The following SLC51B variants were observed in gnomAD, a reference collection of about 807,000 sequenced individuals.
SLC51B encodes organic solute transporter subunit beta.
Under a neutral mutation model 8.0 loss-of-function variants are expected in SLC51B, and 6 were observed. The observed-to-expected ratio is 0.75, with a 90% CI of 0.41 to 1.48. SLC51B has a LOEUF of 1.48. SLC51B is among the 40% of genes most tolerant of loss of function. SLC51B has a pLI of 0.01. For missense variants in SLC51B, 150 were observed against 149.7 expected, an observed-to-expected ratio of 1.00 and a Z score of -0.01; for synonymous variants, 61 against 54.8, an observed-to-expected ratio of 1.11 and a Z score of -0.50.
intron 1 of SLC51B, among the ~76,000 whole-genome samples, chr15:65,048,063 A>G (rs1284985504): frequency 6.6e-6 from 1 of 152,022 alleles, no homozygotes; most frequent in Non-Finnish European, 1.5e-5. Context: ...CTGTAGTCCC[A>G]CTACTTGGGA....
chr15:65,048,846 T>C (rs2086609252), intron 1 of SLC51B, among the ~76,000 whole-genome samples: 1 of 152,014 alleles, frequency 6.6e-6, no homozygotes, highest in Non-Finnish European at 1.5e-5. Context: ...CCATCTCTAC[T>C]AAAAATACAA....
chr15:65,052,780 G>A (rs888326621), intron 3 of SLC51B, among the ~76,000 whole-genome samples, 186 bp from the exon 4 acceptor site: 4 of 152,136 alleles, frequency 2.6e-5, no homozygotes, highest in Admixed American at 1.3e-4. Context: ...GATTCCTTGA[G>A]ATGACACACA....
chr15:65,050,311 C>T (rs931885444), intron 2 of SLC51B, among the ~76,000 whole-genome samples: 15 of 152,300 alleles, frequency 9.8e-5, no homozygotes, highest in African/African-American at 2.9e-4. Context: ...ATTTATGCAG[C>T]CCTCCAATCA....
chr15:65,046,380 G>T (rs576382522), intron 1 of SLC51B, among the ~76,000 whole-genome samples: 16 of 152,254 alleles, frequency 1.1e-4, no homozygotes, highest in African/African-American at 3.9e-4. Flanking sequence ...TGAGGCAGGA[G>T]AATCACTTGA....
intron 1 of SLC51B, among the ~76,000 whole-genome samples, chr15:65,046,954 T>C (rs1284664382): frequency 6.6e-6 from 1 of 152,056 alleles, no homozygotes; most frequent in Admixed American, 6.6e-5. Context: ...CTGTGGACAA[T>C]AGCTTACCTG....
intron 1 of SLC51B, among the ~76,000 whole-genome samples, chr15:65,046,265 C>T (rs754774800): frequency 2.0e-5 from 3 of 152,236 alleles, no homozygotes; most frequent in Non-Finnish European, 4.4e-5. Context: ...GGTGCCACTA[C>T]ACTCCAGCCT....
chr15:65,053,047 C>T lies in SLC51B; in HGVS notation c.270C>T (p.Asn90=). The T allele has an allele frequency of 6.2e-7, 1 of 1,614,070 alleles. No homozygotes were observed. The highest frequency in any genetic ancestry group is 8.5e-7 in the Non-Finnish European group (1 of 1,180,014). ...AGGCCAAGGATCACAACAGCCTAAA[C>T]AACCTAAGAGAAACTTTGCTCTCAG... ...LDEAKDHNSL[N]NLRETLLSEK... Residue 90 remains asparagine, a synonymous_variant, in exon 4 of 4, where the codon AAC becomes AAT. Coordinates refer to ENST00000334287, the MANE Select transcript of SLC51B (RefSeq NM_178859.4).
chr15:65,047,863 A>G (rs1431545382), intron 1 of SLC51B, among the ~76,000 whole-genome samples: 1 of 152,174 alleles, frequency 6.6e-6, no homozygotes, highest in Admixed American at 6.5e-5. Context: ...GTAAGTAGGC[A>G]GTGTGCATGT....
At chr15:65,050,833 CTTCTTTTTTTT>C (rs1473721294) in intron 2 of SLC51B, among the ~76,000 whole-genome samples, 7 of 88,600 alleles carry the variant, frequency 7.9e-5, no homozygotes, top group Non-Finnish European at 1.2e-4. Context: ...TCTTCTTCTT[CTTCTTTTTTTT>C]TTTTTTTTTG....
In SLC51B at chr15:65,051,734, C is replaced by A. The variant is rs932843232; in HGVS notation, c.188+129C>A. On this transcript the variant is annotated intron_variant, in intron 3 of 3. Coordinates refer to ENST00000334287, the MANE Select transcript of SLC51B (RefSeq NM_178859.4). ...CACCCTTTGGGACAGCAAAATTCAG[C>A]CTTCAGTGTCCTTCGAGAACCCCAA... 34 of 710,596 alleles carry A rather than the reference C, an allele frequency of 4.8e-5. No individual in the cohort carries two copies. In the African/African-American group the frequency reaches 5.2e-4, roughly 11 times the overall value. 44.0% of individuals were successfully genotyped at this position (710,596 alleles called of 1,614,324 possible). A position where few individuals can be genotyped will look rare whatever the true frequency, so the allele number is the denominator to read the frequency against.
intron 1 of SLC51B, among the ~76,000 whole-genome samples, chr15:65,046,427 G>A (rs958107076): frequency 6.6e-6 from 1 of 152,124 alleles, no homozygotes; most frequent in Non-Finnish European, 1.5e-5. Flanking sequence ...CTGAGATCAT[G>A]CCATTGCACT....
At chr15:65,048,737 G>A (rs1595899281) in intron 1 of SLC51B, among the ~76,000 whole-genome samples, 1 of 152,128 alleles carries the variant, frequency 6.6e-6, no homozygotes, top group Admixed American at 6.5e-5. Context: ...GGTCAGGCGC[G>A]GTGGCTCACT....
chr15:65,050,041 G>C lies in SLC51B; in HGVS notation c.37G>C (p.Gly13Arg), dbSNP rs745589743. The C allele has an allele frequency of 9.0e-6, 14 of 1,551,568 alleles. No homozygotes were observed. The East Asian group carries it at 3.4e-4, about 38-fold the overall frequency. The change falls in exon 2 of 4, where the codon GGT becomes CGT. Residue 13 changes from glycine to arginine, a missense_variant. Transcript: ENST00000334287. ...TGAGGGGGCTCCCGGAGACCCAGCCGGTACTGTGGTACCCCAGGAGCTGCT... is the reference window on the plus strand; with the variant it reads ...TGAGGGGGCTCCCGGAGACCCAGCCCGTACTGTGGTACCCCAGGAGCTGCT... ...HSEGAPGDPA[G>R]TVVPQELLEE...
intron 3 of SLC51B, 133 bp from the exon 4 acceptor site, chr15:65,052,833 T>C: frequency 2.8e-6 from 2 of 724,854 alleles, no homozygotes; most frequent in Non-Finnish European, 4.6e-6. Flanking sequence ...TATCCAACCA[T>C]TGCCGCTTCT....
At chr15:65,048,088 C>T (rs10851744) in intron 1 of SLC51B, among the ~76,000 whole-genome samples, 131,407 of 151,994 alleles carry the variant, frequency 0.86, 56,874 homozygotes, top group East Asian at 0.98. Context: ...GAGGCACAAA[C>T]GAGAACCGCT....
rs1235360860 is a variant in SLC51B at position 65,051,522 on chromosome 15, C to G, written c.105C>G (p.Pro35=). The G allele has an allele frequency of 1.8e-5, 29 of 1,613,456 alleles. No homozygotes were observed. The highest frequency in any genetic ancestry group is 2.4e-5 in the Non-Finnish European group (28 of 1,179,686). ...LWFFRVEDAS[P]WNHSILALAA... Reference sequence around the variant, plus strand: ...CTGTGTGTCCTTCCCCAGCATCTCCCTGGAATCATTCCATCCTTGCCCTGG... The same window carrying G: ...CTGTGTGTCCTTCCCCAGCATCTCCGTGGAATCATTCCATCCTTGCCCTGG... The change falls in exon 3 of 4, where the codon CCC becomes CCG. Residue 35 remains proline, a synonymous_variant. Transcript: ENST00000334287.
At chr15:65,051,480 T>C (rs560215043) in intron 2 of SLC51B, 35 bp from the exon 3 acceptor site, 1 of 1,604,682 alleles carries the variant, frequency 6.2e-7, no homozygotes, top group East Asian at 2.2e-5. Context: ...TGCCTGGCCA[T>C]TCCTCAGGGC....
In SLC51B at chr15:65,053,049, A is replaced by C. The variant is rs147682812; in HGVS notation, c.272A>C (p.Asn91Thr). ...DEAKDHNSLN[N>T]LRETLLSEKP... ...GCCAAGGATCACAACAGCCTAAACA[A>C]CCTAAGAGAAACTTTGCTCTCAGAA... The change falls in exon 4 of 4, where the codon AAC becomes ACC. Residue 91 changes from asparagine to threonine, a missense_variant. Physicochemically the swap from Asn to Thr is moderately conservative, Grantham distance 65 (BLOSUM62 0). Transcript: ENST00000334287. 108 of 1,613,958 alleles carry C rather than the reference A, an allele frequency of 6.7e-5. No individual in the cohort carries two copies. Among genetic ancestry groups the C allele is most frequent in the Non-Finnish European group, 8.6e-5 (101 of 1,180,008 alleles).
In SLC51B at chr15:65,053,075, A is replaced by G; in HGVS notation, c.298A>G (p.Lys100Glu). ...CCTAAGAGAAACTTTGCTCTCAGAA[A>G]AGCCAAACTTGGCCCAGGTGGAACT... ...NNLRETLLSE[K>E]PNLAQVELEL... The change falls in exon 4 of 4, where the codon AAG becomes GAG. Residue 100 changes from lysine (K) to glutamate (E), a missense_variant. By Grantham distance (56) the Lys-to-Glu change is moderately conservative (BLOSUM62 1). Coordinates refer to ENST00000334287, the MANE Select transcript of SLC51B (RefSeq NM_178859.4). The G allele has an allele frequency of 6.2e-7, 1 of 1,614,154 alleles. No individual in the cohort carries two copies. The highest frequency in any genetic ancestry group is 2.2e-5 in the East Asian group (1 of 44,868).
Sources: allele counts gnomAD v4.1 joint callset (sites outside exome capture counted in the v4.1 genomes callset), GRCh38; gene constraint gnomAD v4.1.1; transcripts MANE v1.5; gene names NCBI Gene and HGNC (gene_info 2026-07-23, HGNC 2026-07-21).